Variants in EVA1C observed in about 807,000 individuals in gnomAD.
EVA1C encodes the protein eva-1 homolog C.
A neutral mutation model predicts 45.4 loss-of-function variants in EVA1C; 25 were observed. That is an observed-to-expected ratio of 0.55 (90% CI 0.40 to 0.77). The LOEUF (loss-of-function observed/expected upper bound fraction) is 0.77, where lower values mean the gene tolerates loss of function less well. Ranked by LOEUF, EVA1C falls within the 30% of genes least tolerant of loss-of-function variation. The pLI, the probability that EVA1C is intolerant of heterozygous loss-of-function variation, is 0.00. For missense variants in EVA1C, 479 were observed against 554.8 expected, an observed-to-expected ratio of 0.86 and a Z score of 1.37; for synonymous variants, 190 against 221.2, an observed-to-expected ratio of 0.86 and a Z score of 1.25.
At chr21:32,429,133 C>T (rs1339884249) in intron 1 of EVA1C, among the ~76,000 whole-genome samples, 1 of 152,110 alleles carries the variant, frequency 6.6e-6, no homozygotes, top group Non-Finnish European at 1.5e-5. Context: ...AAGTGATTCT[C>T]CTTCACTTAA....
intron 4 of EVA1C, among the ~76,000 whole-genome samples, chr21:32,469,776 T>C (rs2036304893): frequency 1.3e-5 from 2 of 152,152 alleles, no homozygotes; most frequent in African/African-American, 2.4e-5. Context: ...GGAAGATTCC[T>C]TTTTAGGGAA....
chr21:32,434,076 T>G (rs1012987662), intron 1 of EVA1C, among the ~76,000 whole-genome samples: 1 of 148,000 alleles, frequency 6.8e-6, no homozygotes. Context: ...GGGTGGATCA[T>G]TTGAGGTCAG....
intron 4 of EVA1C, 36 bp from the exon 5 acceptor site, chr21:32,494,991 T>C (rs746815515): frequency 2.5e-6 from 4 of 1,609,174 alleles, no homozygotes; most frequent in African/African-American, 1.3e-5. Context: ...CTGTGTGGGA[T>C]GCAACCTGAA....
chr21:32,424,673 A>G (rs1050992439), intron 1 of EVA1C, among the ~76,000 whole-genome samples: 4 of 152,054 alleles, frequency 2.6e-5, no homozygotes, highest in Admixed American at 6.6e-5. Flanking sequence ...GGTCTTGAGA[A>G]CCCCAGTGCT....
chr21:32,444,965 T>C (rs1416452637), intron 1 of EVA1C, among the ~76,000 whole-genome samples: 1 of 151,422 alleles, frequency 6.6e-6, no homozygotes, highest in Admixed American at 6.6e-5. Context: ...GAAAATCAGT[T>C]ATTTACATCA....
chr21:32,456,400 T>G (rs2035784908), intron 2 of EVA1C, among the ~76,000 whole-genome samples: 1 of 152,208 alleles, frequency 6.6e-6, no homozygotes, highest in African/African-American at 2.4e-5. Flanking sequence ...GTTGTAACAG[T>G]GGAGCCCTCC....
intron 4 of EVA1C, among the ~76,000 whole-genome samples, chr21:32,468,351 G>A (rs2036253997): frequency 6.6e-6 from 1 of 150,776 alleles, no homozygotes; most frequent in Admixed American, 6.7e-5. Context: ...CAGCCTGGGT[G>A]ACAAGAGCAA....
intron 1 of EVA1C, among the ~76,000 whole-genome samples, chr21:32,443,971 A>G (rs1197698371): frequency 2.0e-5 from 3 of 151,498 alleles, no homozygotes; most frequent in Non-Finnish European, 4.4e-5. Context: ...CCATCCTCTC[A>G]TTCTTTCTCT....
chr21:32,418,058 G>A (rs1276411586), intron 1 of EVA1C, among the ~76,000 whole-genome samples: 1 of 152,112 alleles, frequency 6.6e-6, no homozygotes, highest in Non-Finnish European at 1.5e-5. Flanking sequence ...TCATCACCAG[G>A]GAGACCAGGA....
intron 1 of EVA1C, among the ~76,000 whole-genome samples, chr21:32,432,433 C>A (rs1012036022): frequency 2.0e-5 from 3 of 152,068 alleles, no homozygotes; most frequent in African/African-American, 4.8e-5. Context: ...GGCTCTGGAA[C>A]CTGGAGCTTT....
At chr21:32,465,534 G>T (rs961533859) in intron 3 of EVA1C, among the ~76,000 whole-genome samples, 1 of 152,186 alleles carries the variant, frequency 6.6e-6, no homozygotes, top group Admixed American at 6.5e-5. Flanking sequence ...ATTTTTAAAA[G>T]AATTTTCTTT....
intron 1 of EVA1C, among the ~76,000 whole-genome samples, chr21:32,449,197 T>C (rs549281630): frequency 2.0e-5 from 3 of 152,350 alleles, no homozygotes; most frequent in East Asian, 1.9e-4. Context: ...TCATAATCAA[T>C]AAACCTACAT....
chr21:32,482,437 C>G (rs1371703336), intron 4 of EVA1C, among the ~76,000 whole-genome samples: 2 of 152,162 alleles, frequency 1.3e-5, no homozygotes, highest in Non-Finnish European at 2.9e-5. Flanking sequence ...ACCCTCTTCA[C>G]AGAAGAACTG....
At chr21:32,511,419 CAAAAAAAAA>C (rs749141703) in intron 7 of EVA1C, among the ~76,000 whole-genome samples, 2 of 47,600 alleles carry the variant, frequency 4.2e-5, no homozygotes, top group Non-Finnish European at 7.6e-5. Context: ...AACTCCGTCT[CAAAAAAAAA>C]AAAAAAAAAA....
chr21:32,505,482 G>A (rs183129136), intron 7 of EVA1C, among the ~76,000 whole-genome samples: 13 of 152,292 alleles, frequency 8.5e-5, no homozygotes, highest in Admixed American at 2.6e-4. Flanking sequence ...GAAGGGGAAC[G>A]AGACCGACAT....
intron 7 of EVA1C, among the ~76,000 whole-genome samples, chr21:32,507,977 C>T (rs915077443): frequency 1.4e-5 from 2 of 147,362 alleles, no homozygotes; most frequent in African/African-American, 2.5e-5. Context: ...GTATGTGTGC[C>T]TGCATGTGTG....
At chr21:32,475,927 C>CTATATATA (rs1241754246) in intron 4 of EVA1C, among the ~76,000 whole-genome samples, 9 of 150,180 alleles carry the variant, frequency 6.0e-5, no homozygotes, top group African/African-American at 2.2e-4. Flanking sequence ...ATCTATCTAT[C>CTATATATA]TATATAAACA....
intron 5 of EVA1C, among the ~76,000 whole-genome samples, chr21:32,497,887 A>T (rs1417030692): frequency 6.6e-6 from 1 of 152,178 alleles, no homozygotes; most frequent in Non-Finnish European, 1.5e-5. Context: ...TTCACTATCA[A>T]GACAACAGCC....
At chr21:32,475,747 C>T (rs998190740) in intron 4 of EVA1C, among the ~76,000 whole-genome samples, 2 of 152,102 alleles carry the variant, frequency 1.3e-5, no homozygotes, top group Admixed American at 1.3e-4. Flanking sequence ...GTATAATGAG[C>T]TTGTGCTTGT....
Sources: allele counts gnomAD v4.1 joint callset (sites outside exome capture counted in the v4.1 genomes callset), GRCh38; gene constraint gnomAD v4.1.1; transcripts MANE v1.5; gene names NCBI Gene and HGNC (gene_info 2026-07-23, HGNC 2026-07-21).